DOK6: variants seen among roughly 807,000 people sequenced by gnomAD.
DOK6 encodes docking protein 6, also known as downstream of tyrosine kinase 6.
A neutral mutation model predicts 44.0 loss-of-function variants in DOK6; 22 were observed. That is an observed-to-expected ratio of 0.50 (90% confidence interval 0.36 to 0.71). The LOEUF is 0.71. Ranked by LOEUF, DOK6 falls within the 30% of genes least tolerant of loss-of-function variation. The pLI is 0.00. For missense variants in DOK6, 340 were observed against 416.4 expected (o/e 0.82, Z 1.60); for synonymous variants, 166 against 145.5 (o/e 1.14, Z -1.01).
intron 1 of DOK6, among the ~76,000 whole-genome samples, chr18:69,528,347 CT>C (rs1340462241): frequency 2.6e-5 from 4 of 152,038 alleles, no homozygotes; most frequent in African/African-American, 9.7e-5. Context: ...GCCTTCAGGA[CT>C]TAAAATATTC....
intron 1 of DOK6, among the ~76,000 whole-genome samples, chr18:69,551,140 C>T (rs1266725722): frequency 6.6e-6 from 1 of 152,068 alleles, no homozygotes; most frequent in Non-Finnish European, 1.5e-5. Context: ...AGCTTTCCTT[C>T]TTTTATAAAG....
chr18:69,409,405 C>A (rs537525469), intron 1 of DOK6, among the ~76,000 whole-genome samples: 5 of 152,196 alleles, frequency 3.3e-5, no homozygotes, highest in South Asian at 2.1e-4. Flanking sequence ...TACTCACTAC[C>A]CTTTGGCATG....
chr18:69,692,758 T>C (rs774643240), intron 4 of DOK6, among the ~76,000 whole-genome samples: 1 of 152,210 alleles, frequency 6.6e-6, no homozygotes, highest in Non-Finnish European at 1.5e-5. Flanking sequence ...TAGATGGATA[T>C]AAACTACAGC....
chr18:69,620,304 A>G (rs1297588344), intron 3 of DOK6, among the ~76,000 whole-genome samples: 1 of 152,186 alleles, frequency 6.6e-6, no homozygotes, highest in Admixed American at 6.5e-5. Flanking sequence ...TGTATTTGTG[A>G]ACATCTTCCA....
At chr18:69,481,512 G>T (rs1442917072) in intron 1 of DOK6, among the ~76,000 whole-genome samples, 1 of 152,070 alleles carries the variant, frequency 6.6e-6, no homozygotes, top group African/African-American at 2.4e-5. Flanking sequence ...TGTGAATGAT[G>T]GTTTCCAGCT....
intron 7 of DOK6, among the ~76,000 whole-genome samples, chr18:69,825,067 T>C (rs1435396476): frequency 1.3e-5 from 2 of 152,208 alleles, no homozygotes; most frequent in Non-Finnish European, 2.9e-5. Context: ...AGAGAGAACA[T>C]AAACTAATAT....
At chr18:69,451,942 T>G (rs1979479984) in intron 1 of DOK6, among the ~76,000 whole-genome samples, 1 of 121,274 alleles carries the variant, frequency 8.2e-6, no homozygotes, top group East Asian at 2.6e-4. Flanking sequence ...TAGCACTAAA[T>G]GCCCACAAGA....
intron 7 of DOK6, among the ~76,000 whole-genome samples, chr18:69,784,276 T>A (rs1980365760): frequency 6.6e-6 from 1 of 152,154 alleles, no homozygotes; most frequent in African/African-American, 2.4e-5. Context: ...ATAAAAATGA[T>A]AAATGTATGT....
intron 6 of DOK6, 155 bp downstream of exon 6, chr18:69,739,258 TC>T: frequency 2.2e-6 from 2 of 923,364 alleles, no homozygotes; most frequent in Non-Finnish European, 1.6e-6. Context: ...CTCTCTAATA[TC>T]CTATTCAATA....
intron 3 of DOK6, among the ~76,000 whole-genome samples, chr18:69,634,613 G>C (rs1984761504): frequency 6.6e-6 from 1 of 152,118 alleles, no homozygotes; most frequent in African/African-American, 2.4e-5. Flanking sequence ...TAATGTATTT[G>C]ATAGTATTTA....
chr18:69,567,172 C>T (rs1983003325), intron 2 of DOK6, among the ~76,000 whole-genome samples: 1 of 152,202 alleles, frequency 6.6e-6, no homozygotes, highest in Non-Finnish European at 1.5e-5. Flanking sequence ...CATCATCAGA[C>T]ATGTTTACGG....
At chr18:69,803,536 C>T (rs888064449) in intron 7 of DOK6, among the ~76,000 whole-genome samples, 2 of 152,016 alleles carry the variant, frequency 1.3e-5, no homozygotes, top group African/African-American at 4.8e-5. Context: ...AAAGAAATTC[C>T]AAAGGGAAGA....
intron 5 of DOK6, among the ~76,000 whole-genome samples, chr18:69,701,141 T>G (rs947653778): frequency 3.3e-5 from 5 of 152,256 alleles, no homozygotes; most frequent in African/African-American, 4.8e-5. Flanking sequence ...ACATCGTTTA[T>G]TCTGGAGAAG....
chr18:69,443,131 C>T (rs551646179), intron 1 of DOK6, among the ~76,000 whole-genome samples: 2 of 152,236 alleles, frequency 1.3e-5, no homozygotes, highest in South Asian at 4.1e-4. Flanking sequence ...TAATTTCTTT[C>T]AGAGTAAAAA....
chr18:69,652,202 A>C (rs904552555), intron 3 of DOK6, among the ~76,000 whole-genome samples: 4 of 152,228 alleles, frequency 2.6e-5, no homozygotes, highest in African/African-American at 4.8e-5. Flanking sequence ...TAGGATGACA[A>C]GTGAATTATT....
chr18:69,738,960 C>T lies in DOK6; in HGVS notation c.600-5C>T, dbSNP rs768081744. 3 of 1,613,664 alleles carry T rather than the reference C, an allele frequency of 1.9e-6. No individual in the cohort carries two copies. Among genetic ancestry groups the T allele is most frequent in the South Asian group, 1.1e-5 (1 of 91,050 alleles). On this transcript the variant is annotated splice_polypyrimidine_tract_variant and splice_region_variant and intron_variant, in intron 5 of 7. Transcript: ENST00000382713. ...CCATCTCTTTCCCTATCTCTATTCT[C>T]ACAGAATGTGTGACACAGGAGAAGG...
At chr18:69,510,268 CT>C (rs947778922) in intron 1 of DOK6, among the ~76,000 whole-genome samples, 7 of 152,132 alleles carry the variant, frequency 4.6e-5, no homozygotes, top group African/African-American at 1.7e-4. Flanking sequence ...CTTGTATATT[CT>C]TTTTGGTGCT....
At chr18:69,579,871 C>A (rs1161478058) in intron 2 of DOK6, among the ~76,000 whole-genome samples, 2 of 152,180 alleles carry the variant, frequency 1.3e-5, no homozygotes, top group Non-Finnish European at 2.9e-5. Flanking sequence ...GATCCGCCCG[C>A]CTCAACCCCC....
chr18:69,469,646 C>T (rs1599145610), intron 1 of DOK6: 1 of 224,408 alleles, frequency 4.5e-6, no homozygotes. Context: ...TTCCTGCCGG[C>T]TGCCTCACCA....
Sources: gnomAD v4.1 joint callset for allele counts (sites outside exome capture counted in the v4.1 genomes callset) on GRCh38, gnomAD v4.1.1 for gene constraint, MANE v1.5 for transcripts, NCBI Gene and HGNC (gene_info 2026-07-23, HGNC 2026-07-21) for gene names.